Variants in RAP2A observed in about 807,000 individuals in gnomAD.
RAP2A encodes the protein ras-related protein Rap-2a.
RAP2A carries 5 observed loss-of-function variants against 15.1 expected under a neutral mutation model. The ratio of observed to expected loss-of-function variants is 0.33; its 90% CI spans 0.17 to 0.70. RAP2A has a LOEUF of 0.70. RAP2A is among the 30% of genes least tolerant of loss of function. The probability of loss-of-function intolerance (pLI) is 0.68; values close to 1 mark genes in which losing one functional copy is unlikely to be tolerated. For synonymous variants in RAP2A, 110 were observed against 99.7 expected, an observed-to-expected ratio of 1.10 and a Z score of -0.62; for missense variants, 111 against 240.3, an observed-to-expected ratio of 0.46 and a Z score of 3.56.
intron 1 of RAP2A, among the ~76,000 whole-genome samples, chr13:97,455,903 A>G (rs1275576059): frequency 6.6e-6 from 1 of 151,426 alleles, no homozygotes; most frequent in Non-Finnish European, 1.5e-5. Context: ...AGCTTTCTGC[A>G]CTGCCACACA....
intron 1 of RAP2A, among the ~76,000 whole-genome samples, chr13:97,450,462 G>T (rs532456049): frequency 6.6e-6 from 1 of 152,208 alleles, no homozygotes; most frequent in South Asian, 2.1e-4. Context: ...GATGAAAGCT[G>T]TGTGTTCTCC....
chr13:97,440,226 C>G (rs1431041372), intron 1 of RAP2A, among the ~76,000 whole-genome samples: 1 of 152,082 alleles, frequency 6.6e-6, no homozygotes, highest in Non-Finnish European at 1.5e-5. Context: ...AGCCTAATAG[C>G]TGTGGGTCAC....
At chr13:97,462,544 AT>A (rs1169115936) in intron 1 of RAP2A, among the ~76,000 whole-genome samples, 5 of 152,222 alleles carry the variant, frequency 3.3e-5, no homozygotes, top group Admixed American at 6.5e-5. Context: ...CTTGTGTCTT[AT>A]GTTCAGAGCT....
chr13:97,464,764 A>G lies in RAP2A; in HGVS notation c.*322A>G, dbSNP rs1249509983. The G allele has an allele frequency of 9.8e-5, 25 of 255,402 alleles. No homozygotes were observed. In the East Asian group the frequency reaches 1.8e-3, roughly 18 times the overall value. The allele number at this position is 255,402 out of a possible 1,614,324, so 15.8% of individuals were successfully genotyped here. Reference sequence around the variant, plus strand: ...GACAGAAGCAACTATTGTACAAATTAAAAATAACCATAAGGGAGAAACCAG... The same window carrying G: ...GACAGAAGCAACTATTGTACAAATTGAAAATAACCATAAGGGAGAAACCAG... On this transcript the variant is annotated 3_prime_UTR_variant, in exon 2 of 2. Transcript: ENST00000245304.
chr13:97,456,464 C>T (rs1001229365), intron 1 of RAP2A, among the ~76,000 whole-genome samples: 1 of 152,088 alleles, frequency 6.6e-6, no homozygotes, highest in Non-Finnish European at 1.5e-5. Flanking sequence ...CTTATGCTAT[C>T]CTGGCCACAA....
At chr13:97,435,198 C>G (rs1000477216) in intron 1 of RAP2A, among the ~76,000 whole-genome samples, 8 of 152,108 alleles carry the variant, frequency 5.3e-5, no homozygotes, top group Non-Finnish European at 1.0e-4. Flanking sequence ...GCTCACACAC[C>G]TATACAGTAA....
chr13:97,444,830 A>G lies in RAP2A; in HGVS notation c.314+10046A>G, dbSNP rs569923460. ...CTACAAGACTAATGACAACAATTGT[A>G]TATTTATATATAATCGCCTTTTTGT... On this transcript the variant is annotated intron_variant, in intron 1 of 1. Transcript: ENST00000245304. Among the ~76,000 whole-genome samples the G allele has an allele frequency of 7.2e-5, 11 of 152,312 alleles. No individual in the cohort carries two copies. In the South Asian group the frequency reaches 2.1e-3, roughly 29 times the overall value.
In RAP2A at chr13:97,464,198, C is replaced by T. The variant is rs779936147; in HGVS notation, c.315-7C>T. On this transcript the variant is annotated splice_region_variant and splice_polypyrimidine_tract_variant and intron_variant, in intron 1 of 1. Coordinates refer to ENST00000245304, the MANE Select transcript of RAP2A (RefSeq NM_021033.7). ...AATGTATGTGTGTTTTGTTTATTCT[C>T]TCATAGGTATGAGAAAGTGCCAGTC... 1.2e-6 allele frequency: 2 copies of T among 1,613,674 alleles called. No individual in the cohort carries two copies. The highest frequency in any genetic ancestry group is 1.1e-5 in the South Asian group (1 of 91,068).
chr13:97,458,415 T>C (rs961293310), intron 1 of RAP2A, among the ~76,000 whole-genome samples: 2 of 152,060 alleles, frequency 1.3e-5, no homozygotes, highest in Admixed American at 1.3e-4. Flanking sequence ...TTATCATTGG[T>C]GAATAAATGA....
At chr13:97,447,590 T>C (rs542292761) in intron 1 of RAP2A, among the ~76,000 whole-genome samples, 13 of 152,352 alleles carry the variant, frequency 8.5e-5, no homozygotes, top group Non-Finnish European at 1.5e-4. Flanking sequence ...CAAATCAATT[T>C]AAGCATTTCA....
At position 97,469,011 on chromosome 13, in the gene RAP2A, T is replaced by A. The variant is rs982213916; in HGVS notation, c.*4569T>A. On this transcript the variant is annotated 3_prime_UTR_variant, in exon 2 of 2. Transcript: ENST00000245304. ...TGACCTCGTTTCTTAATTTAAAATA[T>A]GTTGCCACATAAATACTAATAAAAC... The A allele has an allele frequency of 6.6e-6, 1 of 152,356 alleles. No homozygotes were observed. Among genetic ancestry groups the A allele is most frequent in the Non-Finnish European group, 1.5e-5 (1 of 68,040 alleles). The allele number at this position is 152,356 out of a possible 1,614,324, so 9.4% of individuals were successfully genotyped here.
chr13:97,445,123 C>T (rs897243839), intron 1 of RAP2A, among the ~76,000 whole-genome samples: 1 of 152,170 alleles, frequency 6.6e-6, no homozygotes, highest in Non-Finnish European at 1.5e-5. Flanking sequence ...AAGTCCCCAC[C>T]TCTTCATTCT....
At position 97,434,542 on chromosome 13, in the gene RAP2A, G is replaced by T. The variant is rs1018649191; in HGVS notation, c.72G>T (p.Val24=). 68 of 1,613,910 alleles carry T rather than the reference G, an allele frequency of 4.2e-5. No homozygotes were observed. Among genetic ancestry groups the T allele is most frequent in the Non-Finnish European group, 5.7e-5 (67 of 1,179,994 alleles). The change falls in exon 1 of 2, where the codon GTG becomes GTT. Residue 24 remains valine, a synonymous_variant. Transcript: ENST00000245304. ...AATCCGCCCTGACCGTGCAGTTCGT[G>T]ACCGGCACCTTCATCGAGAAATACG... ...VGKSALTVQF[V]TGTFIEKYDP...
Position 97,435,097 on chromosome 13 carries a change from C to A in RAP2A, c.314+313C>A, listed in dbSNP as rs563151300. Among the ~76,000 whole-genome samples, 8 of 152,262 alleles carry A rather than the reference C, an allele frequency of 5.3e-5. No individual in the cohort carries two copies. The South Asian group carries it at 1.7e-3, about 32-fold the overall frequency. ...GGGGGAAAGGGGTGGATAGATTTGTCTTGGGAAGAGAGGAACTGTGCAGGT... is the reference window on the plus strand; with the variant it reads ...GGGGGAAAGGGGTGGATAGATTTGTATTGGGAAGAGAGGAACTGTGCAGGT... On this transcript the variant is annotated intron_variant, in intron 1 of 1. Coordinates refer to ENST00000245304, the MANE Select transcript of RAP2A (RefSeq NM_021033.7).
rs2066775835 is a variant in RAP2A, at chr13:97,467,199, T to C, written c.*2757T>C. 1.3e-5 allele frequency: 2 copies of C among 152,572 alleles called. No homozygotes were observed. Among genetic ancestry groups the C allele is most frequent in the Admixed American group, 1.3e-4 (2 of 15,276 alleles). The allele number at this position is 152,572 out of a possible 1,614,324, so 9.5% of individuals were successfully genotyped here. On this transcript the variant is annotated 3_prime_UTR_variant, in exon 2 of 2. Transcript: ENST00000245304. ...ATCTTTGAATTTTTTTTTCTTTTGA[T>C]GTTGCAACTTTTGGGTTCTTTTAAA... is the stretch of plus-strand genomic sequence containing the variant.
chr13:97,443,278 C>T (rs1238568507), intron 1 of RAP2A, among the ~76,000 whole-genome samples: 2 of 152,150 alleles, frequency 1.3e-5, no homozygotes, highest in Non-Finnish European at 2.9e-5. Context: ...CTCATGCTTT[C>T]CTGACCCTTA....
intron 1 of RAP2A, among the ~76,000 whole-genome samples, chr13:97,462,081 A>G (rs2066750482): frequency 6.8e-6 from 1 of 146,136 alleles, no homozygotes; most frequent in Non-Finnish European, 1.5e-5. Context: ...TATTATATAT[A>G]TTGTATTTAA....
In RAP2A at chr13:97,467,023, A is replaced by AT. The variant is rs1202405350; in HGVS notation, c.*2584dup. ...AGAAGAAAGTTGACCTTGTGTCACT[A>AT]TTTATTTTATGCCCTGATCAGACTA... is the stretch of plus-strand genomic sequence containing the variant. On this transcript the variant is annotated 3_prime_UTR_variant, in exon 2 of 2. Transcript: ENST00000245304. 6.6e-6 allele frequency: 1 copy of AT among 152,580 alleles called. No individual in the cohort carries two copies. Among genetic ancestry groups the AT allele is most frequent in the Non-Finnish European group, 1.5e-5 (1 of 68,028 alleles). 9.5% of individuals were successfully genotyped at this position (152,580 alleles called of 1,614,324 possible).
Position 97,434,793 on chromosome 13 carries a change from G to A in RAP2A, c.314+9G>A. 6.2e-7 allele frequency: 1 copy of A among 1,613,064 alleles called. No homozygotes were observed. The highest frequency in any genetic ancestry group is 8.5e-7 in the Non-Finnish European group (1 of 1,179,494). ...ATCATCCGCGTGAAGCGGTGAGCGAGGGCACACGGGGGCTTGGCGGCTGCA... is the reference window on the plus strand; with the variant it reads ...ATCATCCGCGTGAAGCGGTGAGCGAAGGCACACGGGGGCTTGGCGGCTGCA... On this transcript the variant is annotated intron_variant, in intron 1 of 1. Transcript: ENST00000245304.
Sources: gnomAD v4.1 joint callset for allele counts (sites outside exome capture counted in the v4.1 genomes callset) on GRCh38, gnomAD v4.1.1 for gene constraint, MANE v1.5 for transcripts, NCBI Gene and HGNC (gene_info 2026-07-23, HGNC 2026-07-21) for gene names.